SUMF1: variants seen among roughly 807,000 people sequenced by gnomAD.
The protein encoded by SUMF1 is formylglycine-generating enzyme.
Under a neutral mutation model 47.6 loss-of-function variants are expected in SUMF1, and 48 were observed. That is an observed-to-expected ratio of 1.01 (90% CI 0.80 to 1.28). The LOEUF (loss-of-function observed/expected upper bound fraction) is 1.28. Among genes scored for constraint, SUMF1 ranks in the 50% most tolerant of loss-of-function variants. The probability of loss-of-function intolerance (pLI) is 0.00; values close to 1 mark genes in which losing one functional copy is unlikely to be tolerated. For missense variants in SUMF1, 571 were observed against 485.4 expected (o/e 1.18, Z -1.66); for synonymous variants, 230 against 192.1 (o/e 1.20, Z -1.63).
At chr3:4,061,722 G>C (rs570047038) in intron 9 of SUMF1, among the ~76,000 whole-genome samples, 4 of 152,206 alleles carry the variant, frequency 2.6e-5, no homozygotes, top group African/African-American at 4.8e-5. Flanking sequence ...GGTACAGCTT[G>C]GCATTTGTCT....
chr3:4,151,226 T>C (rs1414052826), intron 8 of SUMF1, among the ~76,000 whole-genome samples: 1 of 143,168 alleles, frequency 7.0e-6, no homozygotes, highest in African/African-American at 2.7e-5. Context: ...ATAATGAATA[T>C]AAATATATAT....
chr3:4,330,801 C>G (rs1045981475), intron 8 of SUMF1, among the ~76,000 whole-genome samples: 2 of 152,178 alleles, frequency 1.3e-5, no homozygotes, highest in Non-Finnish European at 1.5e-5. Flanking sequence ...TAGTGTATTA[C>G]TAATGCTGAA....
At chr3:4,252,596 A>C (rs1374455227) in intron 8 of SUMF1, among the ~76,000 whole-genome samples, 1 of 152,152 alleles carries the variant, frequency 6.6e-6, no homozygotes, top group Non-Finnish European at 1.5e-5. Flanking sequence ...AATGAACTTA[A>C]AGGTCTCAGA....
intron 3 of SUMF1, among the ~76,000 whole-genome samples, chr3:4,425,841 T>A (rs1322533550): frequency 6.6e-6 from 1 of 152,174 alleles, no homozygotes; most frequent in Non-Finnish European, 1.5e-5. Flanking sequence ...AATCATGGCG[T>A]GGTGGAAGGT....
intron 7 of SUMF1, 70 bp downstream of exon 7, chr3:4,410,795 G>T (rs1701514241): frequency 8.0e-6 from 11 of 1,368,088 alleles, no homozygotes; most frequent in Non-Finnish European, 9.4e-6. Flanking sequence ...ACACATGACA[G>T]CCTGGCTGCA....
chr3:4,159,575 T>G (rs1694530225), intron 8 of SUMF1, among the ~76,000 whole-genome samples: 1 of 152,082 alleles, frequency 6.6e-6, no homozygotes, highest in East Asian at 1.9e-4. Context: ...TATGAATAGT[T>G]CATACACCAC....
chr3:4,415,253 A>T (rs1005139905), intron 6 of SUMF1, among the ~76,000 whole-genome samples: 1 of 151,574 alleles, frequency 6.6e-6, no homozygotes, highest in Non-Finnish European at 1.5e-5. Context: ...AAACAGACAG[A>T]AAAATAAAAG....
At chr3:4,391,762 C>T (rs989340495) in intron 7 of SUMF1, among the ~76,000 whole-genome samples, 1 of 152,106 alleles carries the variant, frequency 6.6e-6, no homozygotes, top group Non-Finnish European at 1.5e-5. Flanking sequence ...GGATTACAGG[C>T]ATGGGCCACC....
At chr3:4,352,260 T>C (rs1242141281) in intron 8 of SUMF1, among the ~76,000 whole-genome samples, 1 of 152,154 alleles carries the variant, frequency 6.6e-6, no homozygotes, top group African/African-American at 2.4e-5. Flanking sequence ...CCTAGTTTTC[T>C]AAGTGCACAT....
Position 4,456,454 on chromosome 3 carries a change from G to GTTT in SUMF1, c.271-3408_271-3406dup, listed in dbSNP as rs775343012. Among the ~76,000 whole-genome samples, 639 of 134,056 alleles carry GTTT rather than the reference G, an allele frequency of 4.8e-3. 6 individuals carry two copies. The highest frequency in any genetic ancestry group is 0.011 in the African/African-American group (391 of 35,906). 87.9% of individuals were successfully genotyped at this position (134,056 alleles called of 152,430 possible). ...GACTGTAGATGCCATGTTTTTCTTT[G>GTTT]TTTTTTTTTTTTTTTGAGACGGAGT... On this transcript the variant is annotated intron_variant, in intron 1 of 8. Coordinates refer to ENST00000272902, the MANE Select transcript of SUMF1 (RefSeq NM_182760.4).
chr3:4,052,272 C>T (rs1695125621), intron 9 of SUMF1, among the ~76,000 whole-genome samples: 1 of 152,138 alleles, frequency 6.6e-6, no homozygotes. Context: ...ATAAGGGCTC[C>T]ACTGCCATGA....
chr3:4,209,800 A>T (rs375966420), intron 8 of SUMF1, among the ~76,000 whole-genome samples: 10 of 152,300 alleles, frequency 6.6e-5, no homozygotes, highest in African/African-American at 2.2e-4. Flanking sequence ...TACATTTATC[A>T]AACTATGTAT....
At chr3:4,289,901 TTG>T (rs1697707360) in intron 8 of SUMF1, among the ~76,000 whole-genome samples, 1 of 152,208 alleles carries the variant, frequency 6.6e-6, no homozygotes, top group Non-Finnish European at 1.5e-5. Context: ...ATCAAATAAA[TTG>T]TGTTATCAAC....
At chr3:4,196,332 A>G (rs927837687) in intron 8 of SUMF1, among the ~76,000 whole-genome samples, 1 of 152,256 alleles carries the variant, frequency 6.6e-6, no homozygotes, top group South Asian at 2.1e-4. Context: ...AAATCCTACA[A>G]GTGACCATTC....
intron 8 of SUMF1, among the ~76,000 whole-genome samples, chr3:4,110,655 A>C (rs545546903): frequency 6.6e-6 from 1 of 152,036 alleles, no homozygotes; most frequent in Admixed American, 6.5e-5. Flanking sequence ...ATGGAATACT[A>C]TGCAGCCATA....
chr3:4,046,607 C>G (rs922554044), intron 9 of SUMF1, among the ~76,000 whole-genome samples: 5 of 152,102 alleles, frequency 3.3e-5, no homozygotes, highest in African/African-American at 1.2e-4. Context: ...TACCCATTCC[C>G]TTTACCTCAC....
intron 8 of SUMF1, among the ~76,000 whole-genome samples, chr3:4,254,130 G>C (rs983086741): frequency 1.8e-4 from 27 of 151,886 alleles, no homozygotes; most frequent in African/African-American, 4.8e-4. Context: ...CATCATCAAA[G>C]ACCAAAAGCA....
At chr3:4,380,697 C>T (rs1451030269) in intron 7 of SUMF1, among the ~76,000 whole-genome samples, 4 of 152,220 alleles carry the variant, frequency 2.6e-5, no homozygotes, top group African/African-American at 7.2e-5. Flanking sequence ...CCCGTAACTG[C>T]TCTAGTCCCA....
intron 8 of SUMF1, among the ~76,000 whole-genome samples, chr3:4,106,089 T>C (rs545458985): frequency 1.3e-4 from 20 of 152,138 alleles, no homozygotes; most frequent in African/African-American, 4.8e-4. Context: ...AACTTTTCAC[T>C]ATAATAAACA....
Sources: gnomAD v4.1 joint callset for allele counts (sites outside exome capture counted in the v4.1 genomes callset) on GRCh38, gnomAD v4.1.1 for gene constraint, MANE v1.5 for transcripts, NCBI Gene and HGNC (gene_info 2026-07-23, HGNC 2026-07-21) for gene names.